The following ENOSF1 variants were observed in gnomAD, a reference collection of about 807,000 sequenced individuals.
ENOSF1 encodes the protein enolase superfamily member 1.
In ENOSF1, 73 loss-of-function variants were observed where a neutral mutation model predicts 68.2. That is an observed-to-expected ratio of 1.07 (90% CI 0.89 to 1.30). The LOEUF (loss-of-function observed/expected upper bound fraction) is 1.30, where lower values mean the gene tolerates loss of function less well. Among genes scored for constraint, ENOSF1 ranks in the 50% most tolerant of loss-of-function variants. ENOSF1 has a pLI of 0.00. For missense variants in ENOSF1, 589 were observed against 554.5 expected, an observed-to-expected ratio of 1.06 and a Z score of -0.62; for synonymous variants, 223 against 210.4, an observed-to-expected ratio of 1.06 and a Z score of -0.52.
rs2075059920 is a variant in ENOSF1, at chr18:671,729, G to A, written c.*2576C>T. The A allele has an allele frequency of 9.3e-6, 4 of 432,180 alleles. 1 individual carries two copies. In the South Asian group the frequency reaches 1.1e-4, roughly 11 times the overall value. The allele number at this position is 432,180 out of a possible 1,614,324, so 26.8% of individuals were successfully genotyped here. A position where few individuals can be genotyped will look rare whatever the true frequency, so the allele number is the denominator to read the frequency against. ...AAGCCAGGGGATTGTCCAAAAGGGG[G>A]CATTTTAACTCATTTTAACTTGAAG... On this transcript the variant is annotated 3_prime_UTR_variant, in exon 16 of 16. Coordinates refer to ENST00000647584, the MANE Select transcript of ENOSF1 (RefSeq NM_017512.7).
chr18:691,310 T>C (rs200325092), intron 5 of ENOSF1, 34 bp from the exon 6 acceptor site: 180 of 1,552,884 alleles, frequency 1.2e-4, no homozygotes, highest in Non-Finnish European at 1.5e-4. Flanking sequence ...GAGGCCTGAA[T>C]CAATTATAAG....
rs111899204 is a variant in ENOSF1 at position 686,289 on chromosome 18, C to T, written c.654-281G>A. ...TTAATATAATTAACTCCGTTTTTGC[C>T]GGGCCATGAAAAGGAATTAAGAACA... On this transcript the variant is annotated intron_variant, in intron 9 of 15. Coordinates refer to ENST00000647584, the MANE Select transcript of ENOSF1 (RefSeq NM_017512.7). The T allele has an allele frequency of 2.6e-3, 898 of 351,160 alleles. 9 individuals carry two copies. The highest frequency in any genetic ancestry group is 0.017 in the African/African-American group (794 of 48,054). The allele number at this position is 351,160 out of a possible 1,614,324, so 21.8% of individuals were successfully genotyped here. A position where few individuals can be genotyped will look rare whatever the true frequency, so the allele number is the denominator to read the frequency against.
chr18:684,371 T>C lies in ENOSF1; in HGVS notation c.742-991A>G, dbSNP rs112320221. 2.2e-3 allele frequency among the ~76,000 whole-genome samples: 337 copies of C among 151,900 alleles called. 2 individuals carry two copies. Among genetic ancestry groups the C allele is most frequent in the African/African-American group, 7.8e-3 (323 of 41,426 alleles). On this transcript the variant is annotated intron_variant, in intron 10 of 15. Coordinates refer to ENST00000647584, the MANE Select transcript of ENOSF1 (RefSeq NM_017512.7). ...AGCAAAATCCTCTCTCTACAAAAAA[T>C]ACAAAAATTAGCTGGGTGTGGTGGC...
At chr18:703,376 C>A (rs1179246322) in intron 2 of ENOSF1, among the ~76,000 whole-genome samples, 1 of 95,466 alleles carries the variant, frequency 1.0e-5, no homozygotes, top group Non-Finnish European at 2.1e-5. Context: ...AGAGTGGGTC[C>A]AATGGCCTAA....
intron 12 of ENOSF1, 106 bp from the exon 13 acceptor site, chr18:677,978 G>A: frequency 7.4e-7 from 1 of 1,353,616 alleles, no homozygotes; most frequent in South Asian, 1.4e-5. Context: ...ATTCATCAGT[G>A]GCCGTCAGGA....
chr18:685,969 C>T lies in ENOSF1; in HGVS notation c.693G>A (p.Met231Ile). ...VKVGADLQDD[M>I]RRCQIIRDMI... ...TGTCTCGGATGATTTGGCATCTTCGCATGTCATCCTGGAGATCAGCACCCA... is the reference window on the plus strand; with the variant it reads ...TGTCTCGGATGATTTGGCATCTTCGTATGTCATCCTGGAGATCAGCACCCA... The change falls in exon 10 of 16, where the codon ATG becomes ATA. Residue 231 changes from methionine (M) to isoleucine (I), a missense_variant. Coordinates refer to ENST00000647584, the MANE Select transcript of ENOSF1 (RefSeq NM_017512.7). 6.2e-7 allele frequency: 1 copy of T among 1,614,150 alleles called. No individual in the cohort carries two copies. Among genetic ancestry groups the T allele is most frequent in the Non-Finnish European group, 8.5e-7 (1 of 1,180,026 alleles).
At chr18:703,096 T>C (rs998566675) in intron 2 of ENOSF1, among the ~76,000 whole-genome samples, 2 of 152,192 alleles carry the variant, frequency 1.3e-5, no homozygotes, top group African/African-American at 4.8e-5. Flanking sequence ...GGTTCTGTCA[T>C]GTTGTGGTCT....
chr18:692,993 T>C, intron 5 of ENOSF1: 1 of 1,177,074 alleles, frequency 8.5e-7, no homozygotes, highest in Non-Finnish European at 1.1e-6. Flanking sequence ...CACGAGGTTT[T>C]TAACCGCCAC....
At chr18:682,915 C>CA (rs1303469543) in intron 11 of ENOSF1, 19 of 194,652 alleles carry the variant, frequency 9.8e-5, no homozygotes, top group African/African-American at 2.9e-4. Context: ...AAAAAACCAC[C>CA]AAAAAACAAA....
At chr18:668,647 C>T (rs781705541), downstream of ENOSF1, among the ~76,000 whole-genome samples, 1 of 152,156 alleles carries the variant, frequency 6.6e-6, no homozygotes, top group Non-Finnish European at 1.5e-5. Flanking sequence ...ACATAAGATA[C>T]AACACTCTCT....
downstream of ENOSF1, among the ~76,000 whole-genome samples, chr18:666,521 G>C (rs1598467522): frequency 6.6e-6 from 1 of 152,168 alleles, no homozygotes. Flanking sequence ...AGGAAAAGCA[G>C]ATGCCACCTT....
At chr18:686,859 C>G (rs956267312) in intron 9 of ENOSF1, 1 of 152,264 alleles carries the variant, frequency 6.6e-6, no homozygotes, top group Non-Finnish European at 1.5e-5. Context: ...CATTCTCAGG[C>G]ACCTGCTGTT....
chr18:696,285 C>T (rs1027603573), intron 3 of ENOSF1, among the ~76,000 whole-genome samples: 33 of 148,512 alleles, frequency 2.2e-4, no homozygotes, highest in African/African-American at 8.3e-4. Flanking sequence ...GATCTCGGCT[C>T]ACTGCAAGCT....
At chr18:687,014 A>G (rs1157209588) in intron 9 of ENOSF1, 2 of 97,578 alleles carry the variant, frequency 2.0e-5, no homozygotes, top group African/African-American at 6.5e-5. Flanking sequence ...CTCACCAGAT[A>G]CACTGCTGCA....
the ENOSF1 span, among the ~76,000 whole-genome samples, chr18:664,704 T>C: frequency 1.3e-5 from 2 of 151,080 alleles, no homozygotes; most frequent in African/African-American, 2.4e-5. Flanking sequence ...CAATACCTAA[T>C]TTATTGAGAG....
downstream of ENOSF1, among the ~76,000 whole-genome samples, chr18:666,921 A>ATGGT (rs2074832063): frequency 1.2e-4 from 4 of 33,498 alleles, no homozygotes; most frequent in South Asian, 3.3e-3. Context: ...ATGGTGATGG[A>ATGGT]GATGGTGATG....
At chr18:683,149 G>A (rs750790929) in intron 11 of ENOSF1, 97 bp downstream of exon 11, 1 of 1,443,962 alleles carries the variant, frequency 6.9e-7, no homozygotes, top group Non-Finnish European at 9.5e-7. Flanking sequence ...GGAAATGCAA[G>A]AGGGAACAAG....
intron 5 of ENOSF1, chr18:693,233 G>C: frequency 3.9e-6 from 5 of 1,289,098 alleles, no homozygotes; most frequent in Non-Finnish European, 5.1e-6. Flanking sequence ...TTAGAATTCA[G>C]TGTTGAGCTC....
downstream of ENOSF1, among the ~76,000 whole-genome samples, chr18:668,773 A>G (rs1305765187): frequency 6.6e-6 from 1 of 152,172 alleles, no homozygotes; most frequent in East Asian, 1.9e-4. Context: ...GAGATTGGAA[A>G]GGGTTAGCTA....
Sources: gnomAD v4.1 joint callset for allele counts (sites outside exome capture counted in the v4.1 genomes callset) on GRCh38, gnomAD v4.1.1 for gene constraint, MANE v1.5 for transcripts, NCBI Gene and HGNC (gene_info 2026-07-23, HGNC 2026-07-21) for gene names.